Variants in FRMPD4 observed in about 807,000 individuals in gnomAD.
FRMPD4 encodes FERM and PDZ domain-containing protein 4.
Under a neutral mutation model 94.1 loss-of-function variants are expected in FRMPD4, and 22 were observed. The observed-to-expected ratio is 0.23, with a 90% CI of 0.17 to 0.33. The LOEUF (loss-of-function observed/expected upper bound fraction) is 0.33, where lower values mean the gene tolerates loss of function less well. Ranked by LOEUF, FRMPD4 falls within the 10% of genes least tolerant of loss-of-function variation. The pLI is 1.00. For synonymous variants in FRMPD4, 631 were observed against 548.6 expected (o/e 1.15, Z -2.10); for missense variants, 1,111 against 1,339.9 (o/e 0.83, Z 2.67).
At chrX:12,023,786 G>A (rs150259917) in intron 3 of FRMPD4, among the ~76,000 whole-genome samples, 185 of 110,981 alleles carry the variant, frequency 1.7e-3, no homozygotes, top group African/African-American at 4.5e-3. Flanking sequence ...TCTGCTCAGG[G>A]TCTTTAAGCT....
chrX:12,139,411 G>A (rs2055655825), intron 1 of FRMPD4, among the ~76,000 whole-genome samples: 3 of 110,720 alleles, frequency 2.7e-5, no homozygotes, highest in African/African-American at 9.9e-5. Context: ...AAGACCAAAA[G>A]TGCCGCCTTC....
chrX:12,248,189 T>C lies in FRMPD4; in HGVS notation c.41+109177T>C, dbSNP rs374736791. On this transcript the variant is annotated intron_variant, in intron 1 of 16. Transcript: ENST00000675598. The stretch of plus-strand genomic sequence containing the variant: ...GTATAACAATTCCAGCTGCTGACAG[T>C]AATTTTCTACATAGGCATCCCTTTC... Among the ~76,000 whole-genome samples the C allele has an allele frequency of 2.2e-4, 25 of 112,545 alleles. 1 individual carries two copies. Among genetic ancestry groups the C allele is most frequent in the African/African-American group, 7.7e-4 (24 of 31,086 alleles).
chrX:12,496,869 A>T (rs1602026298), intron 1 of FRMPD4, among the ~76,000 whole-genome samples: 2 of 112,029 alleles, frequency 1.8e-5, no homozygotes, highest in Non-Finnish European at 3.8e-5. Context: ...TTATGACAAG[A>T]GGCTTTATTT....
intron 2 of FRMPD4, among the ~76,000 whole-genome samples, chrX:12,535,740 T>C (rs1384288007): frequency 1.8e-5 from 2 of 112,038 alleles, no homozygotes; most frequent in Non-Finnish European, 3.8e-5. Context: ...TTTGTTTACA[T>C]ATTGTCTATG....
chrX:12,679,448 T>C (rs1040855826), intron 5 of FRMPD4, among the ~76,000 whole-genome samples: 35 of 111,463 alleles, frequency 3.1e-4, no homozygotes, highest in Non-Finnish European at 5.7e-4. Context: ...AATGCCTTTA[T>C]CGGGGGTCAG....
chrX:12,649,675 G>A (rs530694093), intron 4 of FRMPD4, among the ~76,000 whole-genome samples: 118 of 112,324 alleles, frequency 1.1e-3, no homozygotes, highest in South Asian at 3.0e-3. Flanking sequence ...TAACATACTC[G>A]GAAGAGTTCT....
intron 1 of FRMPD4, among the ~76,000 whole-genome samples, chrX:12,289,949 G>C (rs1245563665): frequency 8.9e-6 from 1 of 111,935 alleles, no homozygotes; most frequent in Non-Finnish European, 1.9e-5. Context: ...AGAATGAGGA[G>C]GGCAGAGTAA....
intron 4 of FRMPD4, among the ~76,000 whole-genome samples, chrX:12,623,187 AAAGAAAGAAAGAAAGAAAGGAAGG>A (rs2059310940): frequency 3.7e-4 from 3 of 8,093 alleles, no homozygotes; most frequent in African/African-American, 7.8e-4. Flanking sequence ...AGAAAGAAAG[AAAGAAAGAAAGAAAGAAAGGAAGG>A]AAGGAAGGAA....
At chrX:12,653,984 C>T (rs1483329882) in intron 4 of FRMPD4, among the ~76,000 whole-genome samples, 3 of 111,972 alleles carry the variant, frequency 2.7e-5, no homozygotes, top group Admixed American at 1.9e-4. Context: ...TCAGGCTGGT[C>T]TCAAACTCCT....
intron 1 of FRMPD4, among the ~76,000 whole-genome samples, chrX:11,843,685 G>A (rs943766130): frequency 9.0e-6 from 1 of 110,809 alleles, no homozygotes; most frequent in Non-Finnish European, 1.9e-5. Context: ...AGCCTCCCAA[G>A]TAGCTGGGAC....
intron 3 of FRMPD4, among the ~76,000 whole-genome samples, chrX:12,126,189 C>A (rs778816802): frequency 3.6e-5 from 4 of 112,177 alleles, no homozygotes; most frequent in Non-Finnish European, 7.5e-5. Flanking sequence ...AGGGAGCTGA[C>A]AACTTAGCCA....
At chrX:12,550,898 A>G (rs1030275441) in intron 2 of FRMPD4, among the ~76,000 whole-genome samples, 1 of 101,933 alleles carries the variant, frequency 9.8e-6, no homozygotes, top group African/African-American at 3.5e-5. Context: ...TCCCTTTTAT[A>G]TTGTAAATAT....
chrX:12,409,816 C>T lies in FRMPD4; in HGVS notation c.42-88864C>T, dbSNP rs73192426. ...AAATCATTTGGTATAATGACATTTC[C>T]GTTACTGTTCGTGGGGGTAGGGGCA... On this transcript the variant is annotated intron_variant, in intron 1 of 16. Coordinates refer to ENST00000675598, the MANE Select transcript of FRMPD4 (RefSeq NM_001368397.1). Among the ~76,000 whole-genome samples the T allele has an allele frequency of 5.4e-5, 6 of 110,493 alleles. No homozygotes were observed. In the East Asian group the frequency reaches 1.7e-3, roughly 31 times the overall value.
chrX:12,169,594 A>G (rs12689825), intron 1 of FRMPD4, among the ~76,000 whole-genome samples: 8,409 of 111,316 alleles, frequency 0.076, 913 homozygotes, highest in East Asian at 0.61. Flanking sequence ...TCCTACTACA[A>G]TGGTGAAGCT....
At chrX:11,972,698 A>G (rs912432578) in intron 3 of FRMPD4, among the ~76,000 whole-genome samples, 1 of 112,263 alleles carries the variant, frequency 8.9e-6, no homozygotes, top group African/African-American at 3.2e-5. Flanking sequence ...TATTCTTTGC[A>G]GTGTCAACAG....
chrX:11,838,880 A>G (rs1020819165), intron 1 of FRMPD4, among the ~76,000 whole-genome samples: 5 of 111,594 alleles, frequency 4.5e-5, no homozygotes, highest in Admixed American at 9.6e-5. Context: ...TTATGGAATC[A>G]CCAGTTGATA....
chrX:12,535,640 A>G (rs1294074788), intron 2 of FRMPD4, among the ~76,000 whole-genome samples: 1 of 112,485 alleles, frequency 8.9e-6, no homozygotes, highest in Non-Finnish European at 1.9e-5. Flanking sequence ...TTTCACTGAA[A>G]GCAGGAGTCA....
At chrX:11,994,163 A>G (rs1425038964) in intron 3 of FRMPD4, among the ~76,000 whole-genome samples, 5 of 110,504 alleles carry the variant, frequency 4.5e-5, no homozygotes, top group African/African-American at 1.6e-4. Flanking sequence ...GGTAGAGGCC[A>G]TGGATGCTAT....
At chrX:12,720,080 A>G (rs6639216) in intron 16 of FRMPD4, among the ~76,000 whole-genome samples, 12,187 of 70,344 alleles carry the variant, frequency 0.17, 1,142 homozygotes, top group East Asian at 0.39. Context: ...GAAAGAAAGA[A>G]AGAGAAAGAA....
Sources: allele counts gnomAD v4.1 joint callset (sites outside exome capture counted in the v4.1 genomes callset), GRCh38; gene constraint gnomAD v4.1.1; transcripts MANE v1.5; gene names NCBI Gene and HGNC (gene_info 2026-07-23, HGNC 2026-07-21).